NLRP14: variants seen among roughly 807,000 people sequenced by gnomAD.
NLRP14 encodes NLR family pyrin domain containing 14.
Under a neutral mutation model 94.7 loss-of-function variants are expected in NLRP14, and 105 were observed. That is an observed-to-expected ratio of 1.11 (90% confidence interval 0.95 to 1.30). The LOEUF (loss-of-function observed/expected upper bound fraction) is 1.30, where lower values mean the gene tolerates loss of function less well. Among genes scored for constraint, NLRP14 ranks in the 50% most tolerant of loss-of-function variants. The pLI, the probability that NLRP14 is intolerant of heterozygous loss-of-function variation, is 0.00. For missense variants in NLRP14, 1,362 were observed against 1,254.1 expected, an observed-to-expected ratio of 1.09 and a Z score of -1.30; for synonymous variants, 508 against 459.9, an observed-to-expected ratio of 1.10 and a Z score of -1.34.
the NLRP14 span, chr11:7,089,929 A>G: frequency 3.1e-6 from 5 of 1,612,792 alleles, no homozygotes; most frequent in East Asian, 2.2e-5. Flanking sequence ...GACCGTGACT[A>G]CGGGGATCAT....
chr11:7,087,271 A>G, the NLRP14 span, among the ~76,000 whole-genome samples: 6 of 152,220 alleles, frequency 3.9e-5, no homozygotes, highest in Non-Finnish European at 8.8e-5. Flanking sequence ...TGTAACCTCC[A>G]TGTATTGACT....
intron 5 of NLRP14, among the ~76,000 whole-genome samples, chr11:7,048,739 G>T (rs1023084858): frequency 6.6e-6 from 1 of 152,000 alleles, no homozygotes; most frequent in Non-Finnish European, 1.5e-5. Flanking sequence ...TCATCAATCC[G>T]GATCTTCACA....
At chr11:7,074,228 C>T (rs11041161), downstream of NLRP14, among the ~76,000 whole-genome samples, 1,812 of 152,250 alleles carry the variant, frequency 0.012, 42 homozygotes, top group African/African-American at 0.042. Context: ...AAATGGTTTT[C>T]GTGAAAATTT....
chr11:7,034,660 T>C lies in NLRP14; in HGVS notation c.-21-3906T>C, dbSNP rs1343670010. 2.0e-5 allele frequency among the ~76,000 whole-genome samples: 3 copies of C among 152,232 alleles called. No individual in the cohort carries two copies. In the East Asian group the frequency reaches 5.8e-4, roughly 29 times the overall value. On this transcript the variant is annotated intron_variant, in intron 1 of 11. Coordinates refer to ENST00000299481, the MANE Select transcript of NLRP14 (RefSeq NM_176822.4). Reference sequence around the variant, plus strand: ...GTTTTAATTTCAGCATAGTTAACAATATATCTTCAAATATTCATTGTGGTT... The same window carrying C: ...GTTTTAATTTCAGCATAGTTAACAACATATCTTCAAATATTCATTGTGGTT...
At chr11:7,037,830 A>G (rs773492703) in intron 1 of NLRP14, among the ~76,000 whole-genome samples, 7 of 152,184 alleles carry the variant, frequency 4.6e-5, no homozygotes, top group Non-Finnish European at 8.8e-5. Flanking sequence ...ATTAGAGTAA[A>G]CTGCCAGAGA....
At chr11:7,053,229 C>T (rs1015518122) in intron 6 of NLRP14, among the ~76,000 whole-genome samples, 8 of 151,738 alleles carry the variant, frequency 5.3e-5, no homozygotes, top group East Asian at 1.9e-4. Context: ...TTTAAAATAC[C>T]GTATTACTTC....
intron 2 of NLRP14, 52 bp downstream of exon 2, chr11:7,038,927 T>TG: frequency 6.5e-7 from 1 of 1,546,566 alleles, no homozygotes; most frequent in Non-Finnish European, 8.8e-7. Flanking sequence ...AAGTGTTTCC[T>TG]GGAGCCCAGT....
chr11:7,090,169 T>C, the NLRP14 span: 19 of 1,613,716 alleles, frequency 1.2e-5, no homozygotes, highest in South Asian at 2.1e-4. Context: ...GATCGTGGGC[T>C]CTCTCTGTCC....
At chr11:7,046,891 T>C in intron 5 of NLRP14, 59 bp downstream of exon 5, 1 of 1,273,254 alleles carries the variant, frequency 7.9e-7, no homozygotes, top group Non-Finnish European at 1.1e-6. Flanking sequence ...GTGTCCCATC[T>C]TCCACTCATA....
intron 9 of NLRP14, 55 bp downstream of exon 9, chr11:7,060,119 A>T (rs556960966): frequency 6.9e-7 from 1 of 1,442,578 alleles, no homozygotes; most frequent in East Asian, 2.3e-5. Flanking sequence ...GTGTCTGGGG[A>T]GATACTGAAA....
chr11:7,031,505 T>C (rs1852094519), intron 1 of NLRP14, among the ~76,000 whole-genome samples: 1 of 152,154 alleles, frequency 6.6e-6, no homozygotes, highest in South Asian at 2.1e-4. Flanking sequence ...CCTGTATCCA[T>C]TTGTCAAATT....
intron 10 of NLRP14, among the ~76,000 whole-genome samples, chr11:7,068,794 G>T (rs1349737317): frequency 1.3e-5 from 2 of 152,058 alleles, no homozygotes; most frequent in Non-Finnish European, 2.9e-5. Context: ...AGGACTACAG[G>T]TGTGCACTAC....
At chr11:7,087,596 G>A in the NLRP14 span, among the ~76,000 whole-genome samples, 4 of 152,184 alleles carry the variant, frequency 2.6e-5, no homozygotes, top group African/African-American at 9.7e-5. Flanking sequence ...AAATTAAGCA[G>A]TAAACTTGAT....
At chr11:7,071,071 A>G in intron 11 of NLRP14, 102 bp from the exon 12 acceptor site, 1 of 1,343,880 alleles carries the variant, frequency 7.4e-7, no homozygotes. Context: ...CTCTATTTTA[A>G]CAGAACAGTT....
chr11:7,042,717 CAATT>C lies in NLRP14; in HGVS notation c.692_695del (p.Gln231ArgfsTer33), dbSNP rs1414329429. ...CCAGCTGAAAGAGAGAAGCTTTGCT[CAATT>C]GATATCAAAGGACTGGCCCAGCACA... On this transcript the variant is annotated frameshift_variant, in exon 4 of 12. Coordinates refer to ENST00000299481, the MANE Select transcript of NLRP14 (RefSeq NM_176822.4). LOFTEE classifies it high-confidence loss of function. 3.1e-6 allele frequency: 5 copies of C among 1,614,024 alleles called. No homozygotes were observed. The highest frequency in any genetic ancestry group is 4.2e-6 in the Non-Finnish European group (5 of 1,180,012).
intron 3 of NLRP14, among the ~76,000 whole-genome samples, chr11:7,041,786 A>G (rs1055468466): frequency 6.6e-6 from 1 of 152,338 alleles, no homozygotes; most frequent in African/African-American, 2.4e-5. Flanking sequence ...GTCTTCCCTG[A>G]GATCCTATCC....
chr11:7,067,101 G>A (rs1852716834), intron 10 of NLRP14, among the ~76,000 whole-genome samples: 2 of 152,136 alleles, frequency 1.3e-5, no homozygotes, highest in South Asian at 2.1e-4. Flanking sequence ...TTTGGTTACT[G>A]TAGTCTTGTA....
the NLRP14 span, among the ~76,000 whole-genome samples, chr11:7,088,488 T>C: frequency 6.6e-6 from 1 of 152,034 alleles, no homozygotes; most frequent in East Asian, 1.9e-4. Context: ...TTTAAAAAAT[T>C]AGAACAAAAT....
chr11:7,057,824 A>G lies in NLRP14; in HGVS notation c.2439A>G (p.Pro813=), dbSNP rs1852540974. Residue 813 remains proline, a synonymous_variant, in exon 7 of 12, where the codon CCA becomes CCG. Coordinates refer to ENST00000299481, the MANE Select transcript of NLRP14 (RefSeq NM_176822.4). Reference sequence around the variant, plus strand: ...TTTTGTGTGAGGCCTTAAGACATCCAAAGTGTTATCTAGAGAGACTGTCGT... The same window carrying G: ...TTTTGTGTGAGGCCTTAAGACATCCGAAGTGTTATCTAGAGAGACTGTCGT... ...VQLLCEALRH[P]KCYLERLSLE... The G allele has an allele frequency of 6.2e-7, 1 of 1,612,516 alleles. No homozygotes were observed. The highest frequency in any genetic ancestry group is 8.5e-7 in the Non-Finnish European group (1 of 1,178,676).
Sources: allele counts gnomAD v4.1 joint callset (sites outside exome capture counted in the v4.1 genomes callset), GRCh38; gene constraint gnomAD v4.1.1; transcripts MANE v1.5; gene names NCBI Gene and HGNC (gene_info 2026-07-23, HGNC 2026-07-21).